Variants in GDAP1 observed in about 807,000 individuals in gnomAD.
GDAP1 encodes ganglioside-induced differentiation-associated protein 1.
In GDAP1, 34 loss-of-function variants were observed where a neutral mutation model predicts 40.1. That is an observed-to-expected ratio of 0.85 (90% CI 0.64 to 1.13). The LOEUF is 1.13. Ranked by LOEUF, GDAP1 falls within the 50% of genes most tolerant of loss-of-function variation. The pLI, the probability that GDAP1 is intolerant of heterozygous loss-of-function variation, is 0.00. For synonymous variants in GDAP1, 170 were observed against 157.4 expected, an observed-to-expected ratio of 1.08 and a Z score of -0.60; for missense variants, 374 against 433.7, an observed-to-expected ratio of 0.86 and a Z score of 1.22.
At chr8:74,438,200 G>A in intron 2 of GDAP1, among the ~76,000 whole-genome samples, 1 of 152,068 alleles carries the variant, frequency 6.6e-6, no homozygotes, top group Admixed American at 6.5e-5. Context: ...AACCTGGGAG[G>A]TGGAGGTTAC....
At chr8:74,460,761 G>A (rs1014021953) in intron 2 of GDAP1, among the ~76,000 whole-genome samples, 25 of 152,294 alleles carry the variant, frequency 1.6e-4, no homozygotes, top group African/African-American at 6.0e-4. Flanking sequence ...GAGTTGACCT[G>A]TTATGTTTGG....
rs1341027281 is a variant in GDAP1, at chr8:74,363,965, A to G, written c.695-20A>G. ...GTAGAGTGCTTGCCTCTAATTCTCT[A>G]TGTCCCTTTCTCTAATTAGAAGAGG... is the stretch of plus-strand genomic sequence containing the variant. On this transcript the variant is annotated intron_variant, in intron 5 of 5. Coordinates refer to ENST00000220822, the MANE Select transcript of GDAP1 (RefSeq NM_018972.4). The G allele has an allele frequency of 1.9e-6, 3 of 1,612,184 alleles. No individual in the cohort carries two copies. The highest frequency in any genetic ancestry group is 1.1e-5 in the South Asian group (1 of 91,040).
At chr8:74,358,681 A>G (rs1419578921) in intron 2 of GDAP1, among the ~76,000 whole-genome samples, 1 of 152,214 alleles carries the variant, frequency 6.6e-6, no homozygotes, top group East Asian at 1.9e-4. Context: ...TAGTATTTCT[A>G]TAAAAATATC....
chr8:74,411,987 C>A (rs558523150), intron 2 of GDAP1, among the ~76,000 whole-genome samples: 1 of 150,118 alleles, frequency 6.7e-6, no homozygotes, highest in Admixed American at 6.6e-5. Context: ...GTGTCCCAAA[C>A]ATAAATATCT....
chr8:74,477,398 C>T (rs1806643644), intron 2 of GDAP1, among the ~76,000 whole-genome samples: 1 of 151,826 alleles, frequency 6.6e-6, no homozygotes, highest in Admixed American at 6.6e-5. Context: ...AGTTCTTGTG[C>T]TGGTTCTTTC....
chr8:74,372,867 C>T (rs1344601300), intron 2 of GDAP1, among the ~76,000 whole-genome samples: 1 of 152,082 alleles, frequency 6.6e-6, no homozygotes, highest in Admixed American at 6.6e-5. Flanking sequence ...ATGGTATTGC[C>T]TAGGTTTTCT....
intron 2 of GDAP1, among the ~76,000 whole-genome samples, chr8:74,376,193 C>G (rs1352684544): frequency 1.3e-5 from 2 of 152,166 alleles, no homozygotes; most frequent in Non-Finnish European, 2.9e-5. Context: ...GCAAATGTAT[C>G]TGTAGATTGA....
chr8:74,372,110 A>C (rs1412632722), intron 2 of GDAP1, among the ~76,000 whole-genome samples: 2 of 152,150 alleles, frequency 1.3e-5, no homozygotes, highest in East Asian at 1.9e-4. Flanking sequence ...ATCATTTTTT[A>C]TGGCTGCATA....
chr8:74,436,038 G>T (rs1586834478), intron 2 of GDAP1, among the ~76,000 whole-genome samples: 1 of 152,204 alleles, frequency 6.6e-6, no homozygotes, highest in Non-Finnish European at 1.5e-5. Flanking sequence ...ACTTTAAGCT[G>T]TTAATAAAAA....
intron 2 of GDAP1, among the ~76,000 whole-genome samples, chr8:74,411,046 C>A (rs1052286670): frequency 1.3e-5 from 2 of 149,682 alleles, no homozygotes; most frequent in East Asian, 3.9e-4. Flanking sequence ...CTTATGAGAT[C>A]TGATGGTTTT....
At chr8:74,425,784 A>G (rs1354399922) in intron 2 of GDAP1, among the ~76,000 whole-genome samples, 1 of 152,170 alleles carries the variant, frequency 6.6e-6, no homozygotes, top group Non-Finnish European at 1.5e-5. Flanking sequence ...CTCTAGGATG[A>G]TGGTGAAGCC....
chr8:74,394,299 C>T (rs1335570245), intron 2 of GDAP1, among the ~76,000 whole-genome samples: 1 of 152,174 alleles, frequency 6.6e-6, no homozygotes, highest in Non-Finnish European at 1.5e-5. Context: ...CACTGGGTCC[C>T]TCCCATGACA....
At chr8:74,436,902 C>G (rs1806096085) in intron 2 of GDAP1, among the ~76,000 whole-genome samples, 1 of 152,062 alleles carries the variant, frequency 6.6e-6, no homozygotes, top group African/African-American at 2.4e-5. Context: ...AAAGGATTAC[C>G]CGGATATCCC....
chr8:74,358,047 C>T (rs1486020749), intron 2 of GDAP1, among the ~76,000 whole-genome samples: 2 of 152,150 alleles, frequency 1.3e-5, no homozygotes, highest in East Asian at 1.9e-4. Context: ...ATGCTTGATG[C>T]GCACAAAGAA....
intron 2 of GDAP1, among the ~76,000 whole-genome samples, chr8:74,472,657 G>A (rs1360761284): frequency 1.3e-5 from 2 of 151,352 alleles, no homozygotes; most frequent in Non-Finnish European, 3.0e-5. Flanking sequence ...GTATCTCATT[G>A]TGGCTTTGAT....
intron 2 of GDAP1, among the ~76,000 whole-genome samples, chr8:74,399,328 T>C (rs1398913210): frequency 2.0e-5 from 3 of 150,142 alleles, no homozygotes; most frequent in Admixed American, 6.6e-5. Context: ...TTTTCTAGTT[T>C]ATTTGCATAG....
chr8:74,361,800 G>A, intron 3 of GDAP1, 84 bp from the exon 4 acceptor site: 1 of 828,360 alleles, frequency 1.2e-6, no homozygotes, highest in Middle Eastern at 2.2e-4. Flanking sequence ...TCATGCTCTT[G>A]TCATTGAGTT....
intron 2 of GDAP1, among the ~76,000 whole-genome samples, chr8:74,382,498 A>G (rs1011058838): frequency 6.6e-6 from 1 of 152,058 alleles, no homozygotes; most frequent in Admixed American, 6.5e-5. Flanking sequence ...TGGGTATTAA[A>G]AAAGAATATA....
chr8:74,434,370 C>A (rs1453330176), intron 2 of GDAP1, among the ~76,000 whole-genome samples: 1 of 152,196 alleles, frequency 6.6e-6, no homozygotes, highest in African/African-American at 2.4e-5. Context: ...AATACAAATG[C>A]TGATTGGAGT....
Sources: gnomAD v4.1 joint callset for allele counts (sites outside exome capture counted in the v4.1 genomes callset) on GRCh38, gnomAD v4.1.1 for gene constraint, MANE v1.5 for transcripts, NCBI Gene and HGNC (gene_info 2026-07-23, HGNC 2026-07-21) for gene names.